The following CEP85L variants were observed in gnomAD, a reference collection of about 807,000 sequenced individuals.
CEP85L encodes the protein centrosomal protein of 85 kDa-like.
A neutral mutation model predicts 100.3 loss-of-function variants in CEP85L; 60 were observed. The ratio of observed to expected loss-of-function variants is 0.60; its 90% CI spans 0.49 to 0.74. CEP85L has a LOEUF of 0.74. CEP85L is among the 30% of genes least tolerant of loss of function. CEP85L has a pLI of 0.00. For missense variants in CEP85L, 973 were observed against 936.2 expected (o/e 1.04, Z -0.51); for synonymous variants, 319 against 322.7 (o/e 0.99, Z 0.12).
At chr6:118,558,233 G>A (rs750271801) in intron 3 of CEP85L, among the ~76,000 whole-genome samples, 28 of 152,174 alleles carry the variant, frequency 1.8e-4, no homozygotes, top group Non-Finnish European at 3.4e-4. Flanking sequence ...TTACAGGCAT[G>A]AGCCACTGCA....
At chr6:118,517,338 T>C (rs1444238814) in intron 4 of CEP85L, among the ~76,000 whole-genome samples, 2 of 152,214 alleles carry the variant, frequency 1.3e-5, no homozygotes, top group Non-Finnish European at 2.9e-5. Flanking sequence ...TTGGGAAGCA[T>C]AACCATTTTC....
chr6:118,658,592 A>G (rs73768507), intron 1 of CEP85L, among the ~76,000 whole-genome samples: 4,114 of 152,262 alleles, frequency 0.027, 191 homozygotes, highest in African/African-American at 0.093. Context: ...TGTAAAATCT[A>G]GAACCTGTAT....
At chr6:118,509,896 C>T (rs752350744) in intron 5 of CEP85L, among the ~76,000 whole-genome samples, 80 of 151,994 alleles carry the variant, frequency 5.3e-4, no homozygotes, top group Non-Finnish European at 1.0e-3. Context: ...GTAGCCATTC[C>T]AGTCATATAA....
At chr6:118,617,147 G>A (rs1312975468) in intron 2 of CEP85L, among the ~76,000 whole-genome samples, 1 of 152,148 alleles carries the variant, frequency 6.6e-6, no homozygotes, top group Admixed American at 6.6e-5. Flanking sequence ...TAGGGGCTTG[G>A]AAAGCTGTAA....
At chr6:118,568,601 T>C (rs1196347742) in intron 2 of CEP85L, among the ~76,000 whole-genome samples, 1 of 152,188 alleles carries the variant, frequency 6.6e-6, no homozygotes, top group Non-Finnish European at 1.5e-5. Context: ...CAGCATGAAA[T>C]GTGGTATCAC....
At chr6:118,666,255 C>G (rs1002923999) in intron 1 of CEP85L, among the ~76,000 whole-genome samples, 1 of 152,180 alleles carries the variant, frequency 6.6e-6, no homozygotes, top group African/African-American at 2.4e-5. Flanking sequence ...TCCTTCATAT[C>G]CAAAGCGGAC....
chr6:118,685,608 G>A (rs192393544), intron 1 of CEP85L, among the ~76,000 whole-genome samples: 374 of 152,302 alleles, frequency 2.5e-3, no homozygotes, highest in Middle Eastern at 6.8e-3. Context: ...TTTTGAGGAT[G>A]TTCTTGAGAA....
Position 118,461,181 on chromosome 6 carries a change from T to A in CEP85L, c.*4224A>T, listed in dbSNP as rs926520207. 1 of 152,188 alleles carries A rather than the reference T, an allele frequency of 6.6e-6. No homozygotes were observed. The highest frequency in any genetic ancestry group is 2.4e-5 in the African/African-American group (1 of 41,452). 9.4% of individuals were successfully genotyped at this position (152,188 alleles called of 1,614,324 possible). ...TGCTGTGCTTTTTAATGTAACCACC[T>A]AGCACCTTACTACTTCTTGTCATCA... is the stretch of plus-strand genomic sequence containing the variant. On this transcript the variant is annotated 3_prime_UTR_variant, in exon 13 of 13. Coordinates refer to ENST00000368491, the MANE Select transcript of CEP85L (RefSeq NM_001042475.3).
intron 1 of CEP85L, among the ~76,000 whole-genome samples, chr6:118,702,902 A>G (rs1368914249): frequency 2.0e-5 from 3 of 151,146 alleles, no homozygotes; most frequent in Admixed American, 2.0e-4. Flanking sequence ...AGGCTGAGGC[A>G]GGAGAATGGC....
chr6:118,491,392 A>G, intron 6 of CEP85L: 1 of 911,634 alleles, frequency 1.1e-6, no homozygotes, highest in Non-Finnish European at 1.4e-6. Context: ...GACAAAAAAA[A>G]TGAAATCATA....
chr6:118,598,525 A>G (rs1781568436), intron 2 of CEP85L, among the ~76,000 whole-genome samples: 1 of 152,176 alleles, frequency 6.6e-6, no homozygotes, highest in South Asian at 2.1e-4. Context: ...AGATATGAAG[A>G]CAGAAAGCTC....
chr6:118,651,401 G>C lies in CEP85L; in HGVS notation c.-132C>G. On this transcript the variant is annotated 5_prime_UTR_variant, in exon 1 of 13. Coordinates refer to ENST00000368491, the MANE Select transcript of CEP85L (RefSeq NM_001042475.3). ...GGCAGGAGGAAAGGCGGGATGGCTG[G>C]TTAACGGCTGCTCAGCTACGGGCGG... 8.1e-6 allele frequency: 11 copies of C among 1,353,166 alleles called. No homozygotes were observed. The highest frequency in any genetic ancestry group is 1.0e-5 in the Non-Finnish European group (11 of 1,056,148). 83.8% of individuals were successfully genotyped at this position (1,353,166 alleles called of 1,614,324 possible). A position where few individuals can be genotyped will look rare whatever the true frequency, so the allele number is the denominator to read the frequency against.
At chr6:118,466,971 G>A (rs1050055901) in intron 12 of CEP85L, among the ~76,000 whole-genome samples, 1 of 152,162 alleles carries the variant, frequency 6.6e-6, no homozygotes, top group African/African-American at 2.4e-5. Context: ...CAACTTGAGT[G>A]ATGGGCAGGG....
chr6:118,535,463 C>T (rs942417527), intron 3 of CEP85L, among the ~76,000 whole-genome samples: 4 of 152,194 alleles, frequency 2.6e-5, no homozygotes, highest in African/African-American at 9.7e-5. Context: ...CTCATATAAT[C>T]GCAGTTTCAC....
chr6:118,529,109 G>C (rs1007083083), intron 3 of CEP85L, among the ~76,000 whole-genome samples: 3 of 152,206 alleles, frequency 2.0e-5, no homozygotes, highest in African/African-American at 7.2e-5. Context: ...GTGGAATAGT[G>C]ATAAGGGAAT....
At chr6:118,486,298 T>A (rs1189324829) in intron 6 of CEP85L, among the ~76,000 whole-genome samples, 3 of 152,192 alleles carry the variant, frequency 2.0e-5, no homozygotes, top group Non-Finnish European at 4.4e-5. Context: ...CACTAATAAA[T>A]CTTCTCTATT....
rs115520745 is a variant in CEP85L, at chr6:118,584,716, G to A, written c.233-18400C>T. Reference sequence around the variant, plus strand: ...TAAAGGATGGCCAGCATGCCTCCCCGCCATTGCCTCAGTGGCTCTGTTGGT... The same window carrying A: ...TAAAGGATGGCCAGCATGCCTCCCCACCATTGCCTCAGTGGCTCTGTTGGT... On this transcript the variant is annotated intron_variant, in intron 2 of 12. Coordinates refer to ENST00000368491, the MANE Select transcript of CEP85L (RefSeq NM_001042475.3). 5.9e-5 allele frequency among the ~76,000 whole-genome samples: 9 copies of A among 152,282 alleles called. No homozygotes were observed. The East Asian group carries it at 1.4e-3, about 23-fold the overall frequency.
chr6:118,707,202 T>TC (rs1394275436), intron 1 of CEP85L, among the ~76,000 whole-genome samples: 1 of 150,648 alleles, frequency 6.6e-6, no homozygotes, highest in Non-Finnish European at 1.5e-5. Context: ...TTTTTTTTTT[T>TC]TTTCTTTTTT....
rs185540411 is a variant in CEP85L, at chr6:118,692,376, T to A, written c.-28+17660A>T. ...TATGCAAGGAAGAACTATATGTCCATATATGGGACAAAGCACTGAAAGCAG... is the reference window on the plus strand; with the variant it reads ...TATGCAAGGAAGAACTATATGTCCAAATATGGGACAAAGCACTGAAAGCAG... On this transcript the variant is annotated intron_variant, in intron 1 of 13. Coordinates refer to the CEP85L transcript ENST00000368488. Among the ~76,000 whole-genome samples the A allele has an allele frequency of 3.3e-5, 5 of 152,266 alleles. No individual in the cohort carries two copies. The East Asian group carries it at 9.7e-4, about 29-fold the overall frequency.
Sources: gnomAD v4.1 joint callset for allele counts (sites outside exome capture counted in the v4.1 genomes callset) on GRCh38, gnomAD v4.1.1 for gene constraint, MANE v1.5 for transcripts, NCBI Gene and HGNC (gene_info 2026-07-23, HGNC 2026-07-21) for gene names.